The following LPP variants were observed in gnomAD, a reference collection of about 807,000 sequenced individuals.
LPP encodes LIM domain containing preferred translocation partner in lipoma.
In LPP, 38 loss-of-function variants were observed where a neutral mutation model predicts 60.4. That is an observed-to-expected ratio of 0.63 (90% CI 0.49 to 0.83). The LOEUF (loss-of-function observed/expected upper bound fraction) is 0.83, where lower values mean the gene tolerates loss of function less well. LPP is among the 40% of genes least tolerant of loss of function. The pLI is 0.00. For missense variants in LPP, 902 were observed against 783.6 expected (o/e 1.15, Z -1.80); for synonymous variants, 328 against 290.8 (o/e 1.13, Z -1.30).
At chr3:188,753,648 A>C (rs563057863) in intron 8 of LPP, among the ~76,000 whole-genome samples, 1 of 143,632 alleles carries the variant, frequency 7.0e-6, no homozygotes, top group African/African-American at 2.6e-5. Flanking sequence ...CTTTACCTTA[A>C]TTTCTCTTTT....
intron 2 of LPP, among the ~76,000 whole-genome samples, chr3:188,306,964 G>T (rs1316374825): frequency 6.6e-6 from 1 of 152,172 alleles, no homozygotes; most frequent in Non-Finnish European, 1.5e-5. Context: ...ATGGCAAACA[G>T]AACCCGTCTA....
intron 1 of LPP, among the ~76,000 whole-genome samples, chr3:188,219,100 G>C (rs1714818589): frequency 1.3e-5 from 2 of 151,986 alleles, no homozygotes; most frequent in African/African-American, 2.4e-5. Context: ...TTCTAAACAT[G>C]TTAGCCTGCG....
intron 2 of LPP, among the ~76,000 whole-genome samples, chr3:188,302,824 T>C (rs1750345775): frequency 6.6e-6 from 1 of 152,244 alleles, no homozygotes; most frequent in Admixed American, 6.5e-5. Flanking sequence ...CACATTTATT[T>C]ACTTCTTAAC....
At chr3:188,843,533 A>T (rs1760581962) in intron 9 of LPP, among the ~76,000 whole-genome samples, 1 of 151,996 alleles carries the variant, frequency 6.6e-6, no homozygotes, top group Non-Finnish European at 1.5e-5. Context: ...CACGCCTGTA[A>T]TCCCAGCACT....
chr3:188,808,732 G>C (rs897400771), intron 9 of LPP, among the ~76,000 whole-genome samples: 6 of 152,092 alleles, frequency 3.9e-5, no homozygotes, highest in African/African-American at 1.4e-4. Context: ...TTGTTACACA[G>C]GTATATGTGT....
At chr3:188,448,585 A>G (rs1322867227) in intron 4 of LPP, among the ~76,000 whole-genome samples, 2 of 152,150 alleles carry the variant, frequency 1.3e-5, no homozygotes, top group Non-Finnish European at 2.9e-5. Flanking sequence ...ATGGGGACCA[A>G]TCAGAAAGAC....
intron 2 of LPP, chr3:188,239,797 A>G (rs1049820892): frequency 3.7e-5 from 8 of 215,828 alleles, no homozygotes; most frequent in African/African-American, 1.8e-4. Context: ...GCGCAACATC[A>G]TGCAAAAAGT....
intron 1 of LPP, among the ~76,000 whole-genome samples, chr3:188,211,970 T>G (rs530295597): frequency 3.9e-5 from 6 of 152,312 alleles, no homozygotes; most frequent in South Asian, 4.2e-4. Context: ...GTGATACTCC[T>G]GCCTCAGCCT....
chr3:188,754,562 T>C (rs775904120), intron 8 of LPP, among the ~76,000 whole-genome samples: 1 of 152,286 alleles, frequency 6.6e-6, no homozygotes, highest in Non-Finnish European at 1.5e-5. Flanking sequence ...TGACTCAACA[T>C]AGAATCACCT....
chr3:188,285,425 T>A (rs989978904), intron 2 of LPP, among the ~76,000 whole-genome samples: 2 of 152,146 alleles, frequency 1.3e-5, no homozygotes, highest in African/African-American at 4.8e-5. Context: ...TAACTCCTCT[T>A]TTTTATTTCC....
chr3:188,399,183 C>G (rs2148788589), intron 3 of LPP, among the ~76,000 whole-genome samples: 1 of 152,276 alleles, frequency 6.6e-6, no homozygotes, highest in Admixed American at 6.5e-5. Context: ...GGAGCCAAGA[C>G]TAGAAGCTGG....
intron 7 of LPP, among the ~76,000 whole-genome samples, chr3:188,632,871 T>C (rs899755893): frequency 1.3e-5 from 2 of 152,186 alleles, no homozygotes; most frequent in Admixed American, 1.3e-4. Flanking sequence ...TTATCTTTTT[T>C]CTCATCCCCC....
chr3:188,288,459 G>A (rs1383721066), intron 2 of LPP, among the ~76,000 whole-genome samples: 1 of 152,226 alleles, frequency 6.6e-6, no homozygotes, highest in South Asian at 2.1e-4. Flanking sequence ...AGGCAGTTGA[G>A]TGGCAAAGTG....
Position 188,866,218 on chromosome 3 carries a change from A to G in LPP, c.1429A>G (p.Asn477Asp). 1 of 1,556,256 alleles carries G rather than the reference A, an allele frequency of 6.4e-7. No homozygotes were observed. Among genetic ancestry groups the G allele is most frequent in the Non-Finnish European group, 8.7e-7 (1 of 1,149,180 alleles). Residue 477 changes from asparagine to aspartate, a missense_variant, in exon 10 of 12, where the codon AAT becomes GAT. Physicochemically the swap from Asn to Asp is conservative, Grantham distance 23. Coordinates refer to ENST00000617246, the MANE Select transcript of LPP (RefSeq NM_001375462.1). ...PCYINTLEQC[N>D]VCSKPIMERI... ...TCCCCAGAATACTCTGGAGCAGTGC[A>G]ATGTGTGTTCCAAGCCCATCATGGA...
intron 6 of LPP, among the ~76,000 whole-genome samples, chr3:188,592,390 T>A (rs1838927763): frequency 6.6e-6 from 1 of 150,648 alleles, no homozygotes. Context: ...ACACACACAC[T>A]TACACACAGA....
chr3:188,233,300 T>C (rs1201910652), intron 2 of LPP, among the ~76,000 whole-genome samples: 1 of 152,156 alleles, frequency 6.6e-6, no homozygotes, highest in Non-Finnish European at 1.5e-5. Flanking sequence ...GGAAAGTAAG[T>C]GTTGATTTTA....
intron 9 of LPP, among the ~76,000 whole-genome samples, chr3:188,862,761 GAA>G (rs1389502234): frequency 9.0e-6 from 1 of 110,646 alleles, no homozygotes; most frequent in Non-Finnish European, 1.8e-5. Context: ...AAGAAAGAAA[GAA>G]AAAGAAAGAG....
chr3:188,255,163 T>C (rs916114577), intron 2 of LPP, among the ~76,000 whole-genome samples: 1 of 152,208 alleles, frequency 6.6e-6, no homozygotes, highest in Admixed American at 6.5e-5. Flanking sequence ...TGTGGATTCA[T>C]CTTGGGAAAG....
Position 188,876,003 on chromosome 3 carries a change from G to A in LPP, c.*1524G>A, listed in dbSNP as rs1361266253. 1.1e-5 allele frequency: 2 copies of A among 183,878 alleles called. No homozygotes were observed. The highest frequency in any genetic ancestry group is 2.4e-5 in the African/African-American group (1 of 42,500). The allele number at this position is 183,878 out of a possible 1,614,324, so 11.4% of individuals were successfully genotyped here. On this transcript the variant is annotated 3_prime_UTR_variant, in exon 12 of 12. Coordinates refer to ENST00000617246, the MANE Select transcript of LPP (RefSeq NM_001375462.1). ...AAAAAGGTATAAATAATAATATAAT[G>A]AATTCCTATATACCTAATACCCAGT...
Sources: allele counts gnomAD v4.1 joint callset (sites outside exome capture counted in the v4.1 genomes callset), GRCh38; gene constraint gnomAD v4.1.1; transcripts MANE v1.5; gene names NCBI Gene and HGNC (gene_info 2026-07-23, HGNC 2026-07-21).